TOMM70: variants seen among roughly 807,000 people sequenced by gnomAD.
TOMM70 encodes the protein translocase of outer mitochondrial membrane 70, also known as mitochondrial import receptor subunit TOM70.
A neutral mutation model predicts 73.6 loss-of-function variants in TOMM70; 13 were observed. The ratio of observed to expected loss-of-function variants is 0.18; its 90% CI spans 0.11 to 0.28. The LOEUF (loss-of-function observed/expected upper bound fraction) is 0.28. TOMM70 is among the 10% of genes least tolerant of loss of function. The pLI is 1.00. For missense variants in TOMM70, 609 were observed against 747.5 expected (o/e 0.81, Z 2.16); for synonymous variants, 257 against 271.2 (o/e 0.95, Z 0.51).
chr3:100,374,077 C>G (rs1335507736), intron 7 of TOMM70, among the ~76,000 whole-genome samples: 2 of 152,174 alleles, frequency 1.3e-5, no homozygotes, highest in African/African-American at 4.8e-5. Context: ...GAAATACAGT[C>G]ATGCATATTT....
intron 4 of TOMM70, among the ~76,000 whole-genome samples, chr3:100,384,191 T>TA (rs1706666048): frequency 6.6e-6 from 1 of 152,244 alleles, no homozygotes. Context: ...CTGAACATTA[T>TA]TTATAAAAAC....
chr3:100,386,879 T>G lies in TOMM70; in HGVS notation c.424A>C (p.Ser142Arg). 2 of 1,614,162 alleles carry G rather than the reference T, an allele frequency of 1.2e-6. No individual in the cohort carries two copies. The highest frequency in any genetic ancestry group is 1.7e-6 in the Non-Finnish European group (2 of 1,180,012). Residue 142 changes from serine (S) to arginine (R), a missense_variant, in exon 2 of 12, where the codon AGC becomes CGC. Ser to Arg is a moderately radical substitution (Grantham distance 110). Coordinates refer to ENST00000284320, the MANE Select transcript of TOMM70 (RefSeq NM_014820.5). The stretch of plus-strand genomic sequence containing the variant: ...ACATTCTTCTCTGTAGGGCACAAGC[T>G]AATAGCCTCAGTATAGCACTGAATA... Reference protein sequence around the residue: ...QAIQCYTEAISLCPTEKNVDL... With the variant: ...QAIQCYTEAIRLCPTEKNVDL...
chr3:100,365,607 G>T lies in TOMM70; in HGVS notation c.1784C>A (p.Thr595Lys), dbSNP rs182755533. ...YSLCDAAHAQ[T>K]EVAKKYGLKP... is the part of the protein sequence containing the mutation. ...TAATCCGTATTTCTTTGCAACTTCT[G>T]TCTGGGCATGGGCGGCATCGCAAAG... Residue 595 changes from threonine to lysine, a missense_variant, in exon 12 of 12, where the codon ACA (threonine) becomes AAA (lysine). By Grantham distance (78) the Thr-to-Lys change is moderately conservative. Coordinates refer to ENST00000284320, the MANE Select transcript of TOMM70 (RefSeq NM_014820.5). 1.2e-6 allele frequency: 2 copies of T among 1,614,200 alleles called. No homozygotes were observed. The highest frequency in any genetic ancestry group is 1.3e-5 in the African/African-American group (1 of 75,056).
rs1706693102 is a variant in TOMM70 at position 100,386,398 on chromosome 3, G to T, written c.499-54C>A. ...ACACTAAAGAAAGTACTGTTCAATAGAAATCAGTTTAAACTTGATAGGTTG... is the reference window on the plus strand; with the variant it reads ...ACACTAAAGAAAGTACTGTTCAATATAAATCAGTTTAAACTTGATAGGTTG... On this transcript the variant is annotated intron_variant, in intron 2 of 11. Coordinates refer to ENST00000284320, the MANE Select transcript of TOMM70 (RefSeq NM_014820.5). 8.6e-6 allele frequency: 13 copies of T among 1,518,090 alleles called. No homozygotes were observed. In the Admixed American group the frequency reaches 1.6e-4, roughly 18 times the overall value. 94.0% of individuals were successfully genotyped at this position (1,518,090 alleles called of 1,614,324 possible).
At chr3:100,369,498 A>AT (rs11327711) in intron 9 of TOMM70, among the ~76,000 whole-genome samples, 2,788 of 137,716 alleles carry the variant, frequency 0.02, 44 homozygotes, top group African/African-American at 0.042. Context: ...GCCCAAGGGA[A>AT]TTTTTTTTTT....
chr3:100,375,411 A>G (rs1380493659), intron 6 of TOMM70, among the ~76,000 whole-genome samples: 1 of 152,168 alleles, frequency 6.6e-6, no homozygotes, highest in Non-Finnish European at 1.5e-5. Context: ...CCTACTCTTC[A>G]GCCCCTAGAA....
At chr3:100,383,122 G>A (rs1706651337) in intron 4 of TOMM70, among the ~76,000 whole-genome samples, 1 of 152,046 alleles carries the variant, frequency 6.6e-6, no homozygotes, top group Non-Finnish European at 1.5e-5. Context: ...AAGGAAACTA[G>A]GTTCCTTTGA....
Position 100,365,307 on chromosome 3 carries a change from C to A in TOMM70, c.*257G>T. ...TGCATGGCCAATTATCATTTGTACT[C>A]TTTGCAACTTTATTTAAAAATCCCT... On this transcript the variant is annotated 3_prime_UTR_variant, in exon 12 of 12. Coordinates refer to ENST00000284320, the MANE Select transcript of TOMM70 (RefSeq NM_014820.5). 2.4e-6 allele frequency: 1 copy of A among 412,588 alleles called. No homozygotes were observed. The highest frequency in any genetic ancestry group is 3.9e-5 in the East Asian group (1 of 25,906). The allele number at this position is 412,588 out of a possible 1,614,324, so 25.6% of individuals were successfully genotyped here.
intron 5 of TOMM70, among the ~76,000 whole-genome samples, chr3:100,379,009 A>G (rs543895917): frequency 3.1e-3 from 280 of 89,782 alleles, no homozygotes; most frequent in Non-Finnish European, 3.7e-3. Context: ...TCCGTCTCAA[A>G]TAAATAAATA....
At chr3:100,374,769 A>G (rs1258988304) in intron 7 of TOMM70, among the ~76,000 whole-genome samples, 1 of 152,214 alleles carries the variant, frequency 6.6e-6, no homozygotes, top group Non-Finnish European at 1.5e-5. Flanking sequence ...AGAAAAACAA[A>G]CTTGAACTGG....
intron 5 of TOMM70, among the ~76,000 whole-genome samples, 179 bp downstream of exon 5, chr3:100,381,436 T>C: frequency 6.6e-6 from 1 of 152,068 alleles, no homozygotes; most frequent in East Asian, 1.9e-4. Context: ...AGATACATGC[T>C]AGAAAGAAAA....
chr3:100,367,805 T>A (rs369911808), intron 11 of TOMM70, among the ~76,000 whole-genome samples: 4 of 152,196 alleles, frequency 2.6e-5, no homozygotes, highest in African/African-American at 9.6e-5. Flanking sequence ...GGGCTCTGAG[T>A]TGATGTTGCA....
chr3:100,364,176 C>T lies in TOMM70; in HGVS notation c.*1388G>A, dbSNP rs981953684. On this transcript the variant is annotated 3_prime_UTR_variant, in exon 12 of 12. Transcript: ENST00000284320. ...ATAAAAGTGGAAAATGGAAATAAATCGTAAAGTGATTTCTAAGTAAGGAGG... is the reference window on the plus strand; with the variant it reads ...ATAAAAGTGGAAAATGGAAATAAATTGTAAAGTGATTTCTAAGTAAGGAGG... 1.3e-5 allele frequency: 2 copies of T among 152,058 alleles called. No individual in the cohort carries two copies. Among genetic ancestry groups the T allele is most frequent in the East Asian group, 3.9e-4 (2 of 5,192 alleles). The allele number at this position is 152,058 out of a possible 1,614,324, so 9.4% of individuals were successfully genotyped here. A position where few individuals can be genotyped will look rare whatever the true frequency, so the allele number is the denominator to read the frequency against.
rs541167515 is a variant in TOMM70, at chr3:100,389,991, G to C, written c.325-3013C>G. ...GGAGGCGGAGGTTGCAGTGAGCCGAGATCACACCACTGCACTCCAGCCTGG... is the reference window on the plus strand; with the variant it reads ...GGAGGCGGAGGTTGCAGTGAGCCGACATCACACCACTGCACTCCAGCCTGG... On this transcript the variant is annotated intron_variant, in intron 1 of 11. Transcript: ENST00000284320. Among the ~76,000 whole-genome samples the C allele has an allele frequency of 2.6e-5, 4 of 151,492 alleles. No individual in the cohort carries two copies. In the South Asian group the frequency reaches 8.4e-4, roughly 32 times the overall value.
intron 9 of TOMM70, among the ~76,000 whole-genome samples, chr3:100,370,849 C>G (rs994387134): frequency 2.0e-5 from 3 of 152,098 alleles, no homozygotes; most frequent in Non-Finnish European, 4.4e-5. Context: ...GGGAAATATG[C>G]TATTGGGAAA....
chr3:100,375,238 T>C lies in TOMM70; in HGVS notation c.1093-86A>G, dbSNP rs958714913. On this transcript the variant is annotated intron_variant, in intron 6 of 11. Transcript: ENST00000284320. The stretch of plus-strand genomic sequence containing the variant: ...TTTAAATAACAGCTTTTTTCTATAA[T>C]CCACATATCACAAAGGTCACCCTTT... The C allele has an allele frequency of 1.8e-4, 258 of 1,436,220 alleles. 2 individuals are homozygous for C. The East Asian group carries it at 6.3e-3, about 35-fold the overall frequency. 89.0% of individuals were successfully genotyped at this position (1,436,220 alleles called of 1,614,324 possible). A position where few individuals can be genotyped will look rare whatever the true frequency, so the allele number is the denominator to read the frequency against.
At chr3:100,394,555 G>A (rs533131086) in intron 1 of TOMM70, among the ~76,000 whole-genome samples, 1 of 152,230 alleles carries the variant, frequency 6.6e-6, no homozygotes, top group Non-Finnish European at 1.5e-5. Context: ...CCAGGCTGGA[G>A]TGCAATGGCA....
At chr3:100,393,577 T>G (rs1576218676) in intron 1 of TOMM70, among the ~76,000 whole-genome samples, 1 of 152,190 alleles carries the variant, frequency 6.6e-6, no homozygotes, top group African/African-American at 2.4e-5. Flanking sequence ...CAAAAACCAC[T>G]TGTACCACAA....
At chr3:100,383,524 A>AAC (rs1553738272) in intron 4 of TOMM70, among the ~76,000 whole-genome samples, 7 of 102,994 alleles carry the variant, frequency 6.8e-5, no homozygotes, top group Admixed American at 1.1e-4. Flanking sequence ...AAAACAAACA[A>AAC]AAAAAAAAAA....
Sources: gnomAD v4.1 joint callset for allele counts (sites outside exome capture counted in the v4.1 genomes callset) on GRCh38, gnomAD v4.1.1 for gene constraint, MANE v1.5 for transcripts, NCBI Gene and HGNC (gene_info 2026-07-23, HGNC 2026-07-21) for gene names.